The following NLRP2 variants were observed in gnomAD, a reference collection of about 807,000 sequenced individuals.
NLRP2 encodes the protein NACHT, LRR and PYD domains-containing protein 2.
In NLRP2, 107 loss-of-function variants were observed where a neutral mutation model predicts 97.2. The observed-to-expected ratio is 1.10, with a 90% confidence interval of 0.94 to 1.29. The LOEUF (loss-of-function observed/expected upper bound fraction) is 1.29. NLRP2 is among the 50% of genes most tolerant of loss of function. NLRP2 has a pLI of 0.00. For synonymous variants in NLRP2, 663 were observed against 551.5 expected (o/e 1.20, Z -2.83); for missense variants, 1,495 against 1,330.3 (o/e 1.12, Z -1.93).
rs746200623 is a variant in NLRP2 at position 54,983,114 on chromosome 19, G to T, written c.1416G>T (p.Arg472Ser). 1.2e-6 allele frequency: 2 copies of T among 1,613,650 alleles called. No homozygotes were observed. Among genetic ancestry groups the T allele is most frequent in the Non-Finnish European group, 1.7e-6 (2 of 1,179,974 alleles). ...TGCTTCACCGAGAGGATCTGGAAAG[G>T]CTCGGGGTGCAGGAGTCCGACCTCC... ...TSVLHREDLERLGVQESDLRL... is the reference protein window; with the variant it reads ...TSVLHREDLESLGVQESDLRL... Residue 472 changes from arginine to serine, a missense_variant, in exon 6 of 13, where the codon AGG (arginine) becomes AGT (serine). By Grantham distance (110) the Arg-to-Ser change is moderately radical (BLOSUM62 -1). Transcript: ENST00000448584.
At chr19:54,989,637 AAC>A (rs1289785105) in intron 8 of NLRP2, 1 of 344,664 alleles carries the variant, frequency 2.9e-6, no homozygotes, top group Non-Finnish European at 5.6e-6. Flanking sequence ...GTCGGGGTAT[AAC>A]ACAACCAGTG....
intron 8 of NLRP2, chr19:54,989,819 T>C: frequency 1.6e-6 from 1 of 619,240 alleles, no homozygotes; most frequent in Non-Finnish European, 2.9e-6. Flanking sequence ...CCCCCACCTC[T>C]ACTGAAAATA....
At chr19:54,995,663 C>T (rs1389737883) in intron 11 of NLRP2, among the ~76,000 whole-genome samples, 2 of 152,026 alleles carry the variant, frequency 1.3e-5, no homozygotes, top group African/African-American at 4.8e-5. Context: ...GTGGTCTCAA[C>T]TTGGCTATCT....
intron 11 of NLRP2, among the ~76,000 whole-genome samples, chr19:54,996,990 C>T (rs183746636): frequency 6.4e-4 from 98 of 152,276 alleles, no homozygotes; most frequent in African/African-American, 2.2e-3. Context: ...TCACTGCAAC[C>T]TCCGCCTCCT....
intron 3 of NLRP2, among the ~76,000 whole-genome samples, chr19:54,976,620 T>C (rs547045912): frequency 2.0e-5 from 3 of 152,104 alleles, no homozygotes; most frequent in African/African-American, 7.2e-5. Flanking sequence ...GTACTGGGAT[T>C]ACAGGCATGA....
chr19:54,971,056 G>A (rs1236402063), intron 2 of NLRP2, among the ~76,000 whole-genome samples: 1 of 137,772 alleles, frequency 7.3e-6, no homozygotes. Context: ...CCACCTATGA[G>A]TGAGAATATG....
chr19:54,975,032 C>G (rs570543899), intron 3 of NLRP2, among the ~76,000 whole-genome samples: 13 of 150,128 alleles, frequency 8.7e-5, no homozygotes, highest in African/African-American at 3.2e-4. Flanking sequence ...AACTCCTGAC[C>G]TCAAGTGATC....
chr19:54,984,339 T>TG (rs1568505417), intron 6 of NLRP2, among the ~76,000 whole-genome samples: 3 of 117,496 alleles, frequency 2.6e-5, no homozygotes, highest in Non-Finnish European at 5.0e-5. Context: ...GTTTTTTTTT[T>TG]TTTTTTTTTT....
In NLRP2 at chr19:55,000,592, TAA is replaced by T. The variant is rs34129339; in HGVS notation, c.3051-151_3051-150del. 1.4e-3 allele frequency among the ~76,000 whole-genome samples: 165 copies of T among 119,822 alleles called. 1 individual carries two copies. The highest frequency in any genetic ancestry group is 0.013 in the Middle Eastern group (3 of 238). 78.6% of individuals were successfully genotyped at this position (119,822 alleles called of 152,430 possible). Reference sequence around the variant, plus strand: ...TCACGCCCCACCTGAGACTGTCTTTTAAAAAAAAAAAAAAAAAATCAATGTGG... The same window carrying T: ...TCACGCCCCACCTGAGACTGTCTTTTAAAAAAAAAAAAAAAATCAATGTGG... On this transcript the variant is annotated intron_variant, in intron 12 of 12. Coordinates refer to ENST00000448584, the MANE Select transcript of NLRP2 (RefSeq NM_017852.5).
intron 1 of NLRP2, among the ~76,000 whole-genome samples, chr19:54,969,232 G>T (rs2070687689): frequency 6.6e-6 from 1 of 152,030 alleles, no homozygotes; most frequent in African/African-American, 2.4e-5. Flanking sequence ...AGAAAAACTA[G>T]CTGGGCACTG....
rs1261888009 is a variant in NLRP2 at position 54,982,549 on chromosome 19, T to A, written c.851T>A (p.Leu284Ter). The A allele has an allele frequency of 1.2e-6, 2 of 1,614,162 alleles. No homozygotes were observed. Among genetic ancestry groups the A allele is most frequent in the South Asian group, 1.1e-5 (1 of 91,086 alleles). The change falls in exon 6 of 13, where the codon TTG becomes TAG. Residue 284 changes from leucine (L) to a stop codon, truncating the protein, a stop_gained. Coordinates refer to ENST00000448584, the MANE Select transcript of NLRP2 (RefSeq NM_017852.5). LOFTEE classifies it high-confidence loss of function. ...PHILAQARKI[L>*]FVIDGFDELG... Reference sequence around the variant, plus strand: ...ATCCTAGCCCAAGCACGGAAAATCTTGTTCGTGATTGACGGCTTTGATGAG... The same window carrying A: ...ATCCTAGCCCAAGCACGGAAAATCTAGTTCGTGATTGACGGCTTTGATGAG...
At chr19:54,974,583 G>C in intron 3 of NLRP2, 39 bp downstream of exon 3, 1 of 1,369,674 alleles carries the variant, frequency 7.3e-7, no homozygotes, top group East Asian at 2.3e-5. Context: ...CTTCATGTGA[G>C]ATCTGGGGAC....
In NLRP2 at chr19:54,990,011, T is replaced by G. The variant is rs1403371774; in HGVS notation, c.2367-11T>G. ...AAAAAAAAAAATGACGTGGTCCTAT[T>G]TCTCCCACAGGTTGGTGTCTTGTTC... On this transcript the variant is annotated splice_polypyrimidine_tract_variant and intron_variant, in intron 8 of 12. Coordinates refer to ENST00000448584, the MANE Select transcript of NLRP2 (RefSeq NM_017852.5). 6.2e-7 allele frequency: 1 copy of G among 1,613,790 alleles called. No individual in the cohort carries two copies. Among genetic ancestry groups the G allele is most frequent in the Non-Finnish European group, 8.5e-7 (1 of 1,179,932 alleles).
rs753586405 is a variant in NLRP2 at position 54,982,277 on chromosome 19, C to T, written c.579C>T (p.Ile193=). 5 of 1,614,036 alleles carry T rather than the reference C, an allele frequency of 3.1e-6. No homozygotes were observed. Among genetic ancestry groups the T allele is most frequent in the South Asian group, 1.1e-5 (1 of 91,084 alleles). The stretch of plus-strand genomic sequence containing the variant: ...TGGCTGAGAGATACAAGATGCTGAT[C>T]CCATTCAGCAACCCCAGGGTGCTTC... ...QVMAERYKML[I]PFSNPRVLPG... The change falls in exon 6 of 13, where the codon ATC becomes ATT. Residue 193 remains isoleucine, a synonymous_variant. Transcript: ENST00000448584.
intron 4 of NLRP2, 108 bp from the exon 5 acceptor site, chr19:54,981,509 G>GGCCCCCCCCCCCCCCCCCCCCCC: frequency 7.8e-6 from 3 of 386,504 alleles, no homozygotes; most frequent in Non-Finnish European, 1.6e-5. Flanking sequence ...CTGATCCCGT[G>GGCCCCCCCCCCCCCCCCCCCCCC]CCCCCCCTCC....
Position 54,983,084 on chromosome 19 carries a change from G to T in NLRP2, c.1386G>T (p.Thr462=). The change falls in exon 6 of 13, where the codon ACG becomes ACT. Residue 462 remains threonine (T), a synonymous_variant. Coordinates refer to ENST00000448584, the MANE Select transcript of NLRP2 (RefSeq NM_017852.5). ...LLAAQGLWAQ[T]SVLHREDLER... is the part of the protein sequence containing the mutation. ...CCGCGCAGGGCCTGTGGGCGCAGAC[G>T]TCCGTGCTTCACCGAGAGGATCTGG... is the stretch of plus-strand genomic sequence containing the variant. 1 of 1,613,094 alleles carries T rather than the reference G, an allele frequency of 6.2e-7. No homozygotes were observed. Among genetic ancestry groups the T allele is most frequent in the Non-Finnish European group, 8.5e-7 (1 of 1,179,902 alleles).
Position 54,990,398 on chromosome 19 carries a change from G to A in NLRP2, c.2538-104G>A, listed in dbSNP as rs1333455963. On this transcript the variant is annotated intron_variant, in intron 9 of 12. Coordinates refer to ENST00000448584, the MANE Select transcript of NLRP2 (RefSeq NM_017852.5). ...ATCACCAGTGCATGATAGAAGGTGGGGAGTTCACAAGAAGGGGCTTTTGGA... is the reference window on the plus strand; with the variant it reads ...ATCACCAGTGCATGATAGAAGGTGGAGAGTTCACAAGAAGGGGCTTTTGGA... 31 of 1,237,138 alleles carry A rather than the reference G, an allele frequency of 2.5e-5. 1 individual carries two copies. The highest frequency in any genetic ancestry group is 3.6e-5 in the Non-Finnish European group (30 of 839,550). 76.6% of individuals were successfully genotyped at this position (1,237,138 alleles called of 1,614,324 possible).
intron 6 of NLRP2, among the ~76,000 whole-genome samples, chr19:54,984,327 G>GTGTGTTTTTTTTTT (rs1203056319): frequency 1.4e-4 from 6 of 43,346 alleles, no homozygotes; most frequent in African/African-American, 9.0e-4. Context: ...GTTTTTTTTT[G>GTGTGTTTTTTTTTT]TGTTTTTTTT....
chr19:54,987,886 C>T (rs1602397720), intron 8 of NLRP2, among the ~76,000 whole-genome samples: 1 of 151,984 alleles, frequency 6.6e-6, no homozygotes, highest in East Asian at 1.9e-4. Context: ...ACTAAAAATA[C>T]AAAAACATTA....
Sources: gnomAD v4.1 joint callset for allele counts (sites outside exome capture counted in the v4.1 genomes callset) on GRCh38, gnomAD v4.1.1 for gene constraint, MANE v1.5 for transcripts, NCBI Gene and HGNC (gene_info 2026-07-23, HGNC 2026-07-21) for gene names.